The following KDM4A variants were observed in gnomAD, a reference collection of about 807,000 sequenced individuals.
KDM4A encodes the protein lysine-specific demethylase 4A.
A neutral mutation model predicts 127.1 loss-of-function variants in KDM4A; 23 were observed. That is an observed-to-expected ratio of 0.18 (90% CI 0.13 to 0.26). The LOEUF (loss-of-function observed/expected upper bound fraction) is 0.26. KDM4A is among the 10% of genes least tolerant of loss of function. The pLI is 1.00. For synonymous variants in KDM4A, 443 were observed against 466.5 expected (o/e 0.95, Z 0.65); for missense variants, 890 against 1,329.1 (o/e 0.67, Z 5.14).
In KDM4A at chr1:43,704,129, T is replaced by TC; in HGVS notation, c.3054+23dup. ...TCTAGACTGGTGAGTATTTTCTGTG[T>TC]CCCCCCAGTTCCTGTCTTGGAGGGA... is the stretch of plus-strand genomic sequence containing the variant. On this transcript the variant is annotated intron_variant, in intron 21 of 21. Coordinates refer to ENST00000372396, the MANE Select transcript of KDM4A (RefSeq NM_014663.3). 1.9e-6 allele frequency: 3 copies of TC among 1,612,664 alleles called. No individual in the cohort carries two copies. Among genetic ancestry groups the TC allele is most frequent in the Non-Finnish European group, 1.7e-6 (2 of 1,178,752 alleles).
Position 43,688,997 on chromosome 1 carries a change from C to T in KDM4A, c.1939C>T (p.Arg647Ter), listed in dbSNP as rs1661048831. The stretch of plus-strand genomic sequence containing the variant: ...GCCTCTGAGCCAACTGTGGCAGAAC[C>T]GACCTCCAAACTTTGAGGCTGAGAA... ...AKPLSQLWQN[R>*]PPNFEAEKEF... Residue 647 changes from arginine to a stop codon, truncating the protein, a stop_gained, in exon 13 of 22, where the codon CGA becomes TGA. Transcript: ENST00000372396. LOFTEE classifies it high-confidence loss of function. The surrounding 1 kb of genome is among the most constrained non-coding windows in gnomAD (Gnocchi z 4.4). The T allele has an allele frequency of 1.2e-6, 2 of 1,614,080 alleles. No homozygotes were observed. Among genetic ancestry groups the T allele is most frequent in the Non-Finnish European group, 1.7e-6 (2 of 1,180,036 alleles).
chr1:43,687,100 A>G (rs1383956683), intron 12 of KDM4A, among the ~76,000 whole-genome samples: 2 of 152,176 alleles, frequency 1.3e-5, no homozygotes, highest in Non-Finnish European at 1.5e-5. Flanking sequence ...CAGGATAAAG[A>G]AAAAAATCTG....
chr1:43,667,225 G>A, intron 8 of KDM4A, 134 bp downstream of exon 8: 3 of 952,972 alleles, frequency 3.1e-6, no homozygotes, highest in Non-Finnish European at 4.8e-6. Context: ...ATGTGTCAGA[G>A]TACTAACATT....
intron 7 of KDM4A, 112 bp downstream of exon 7, chr1:43,666,667 C>G (rs1660507729): frequency 5.8e-6 from 5 of 862,448 alleles, no homozygotes; most frequent in Non-Finnish European, 9.2e-6. Context: ...CTTAAATAAA[C>G]TATGTAACAA....
chr1:43,688,019 GT>G lies in KDM4A; in HGVS notation c.1856-883del, dbSNP rs1033894212. On this transcript the variant is annotated intron_variant, in intron 12 of 21. Transcript: ENST00000372396. The surrounding 1 kb of genome is among the most constrained non-coding windows in gnomAD (Gnocchi z 4.4). ...TTCATTGGTCTCTGTGGTTGTCACT[GT>G]TTTTTTTTTTTAAGCCCCAATGCTG... Among the ~76,000 whole-genome samples the G allele has an allele frequency of 6.0e-4, 87 of 144,378 alleles. No individual in the cohort carries two copies. Among genetic ancestry groups the G allele is most frequent in the Admixed American group, 6.9e-4 (10 of 14,392 alleles). The allele number at this position is 144,378 out of a possible 152,430, so 94.7% of individuals were successfully genotyped here. A position where few individuals can be genotyped will look rare whatever the true frequency, so the allele number is the denominator to read the frequency against.
intron 4 of KDM4A, 47 bp from the exon 5 acceptor site, chr1:43,662,847 G>C: frequency 6.5e-7 from 1 of 1,529,348 alleles, no homozygotes; most frequent in Non-Finnish European, 8.9e-7. Flanking sequence ...CAGAGCCTCG[G>C]TTTCTATGCA....
At position 43,694,744 on chromosome 1, in the gene KDM4A, T is replaced by C; in HGVS notation, c.2520T>C (p.Thr840=). The C allele has an allele frequency of 6.2e-7, 1 of 1,613,168 alleles. No individual in the cohort carries two copies. Among genetic ancestry groups the C allele is most frequent in the Non-Finnish European group, 8.5e-7 (1 of 1,179,158 alleles). The change falls in exon 18 of 22, where the codon ACT becomes ACC. Residue 840 remains threonine (T), a synonymous_variant. Transcript: ENST00000372396. The surrounding 1 kb of genome is among the most constrained non-coding windows in gnomAD (Gnocchi z 5.2). ...CIFCKKRRKR[T]AGCCVQCSHG... is the part of the protein sequence containing the mutation. ...TCTGTAAGAAGCGGAGGAAAAGAAC[T>C]GCTGGCTGCTGTGTGCAGTGTTCTC...
intron 1 of KDM4A, among the ~76,000 whole-genome samples, chr1:43,651,216 G>T (rs536457522): frequency 1.2e-4 from 18 of 152,300 alleles, no homozygotes; most frequent in African/African-American, 4.3e-4. Flanking sequence ...CTTTTTAAGA[G>T]GGTCTTCAAA....
Position 43,669,119 on chromosome 1 carries a change from G to A in KDM4A, c.1183G>A (p.Gly395Arg). ...LKTSLAKHRI[G>R]TKRHRVCLEI... ...TTGCAGCCTGGCCAAGCACCGAATA[G>A]GGACAAAGAGGCACCGAGTTTGTCT... is the stretch of plus-strand genomic sequence containing the variant. The change falls in exon 10 of 22, where the codon GGG becomes AGG. Residue 395 changes from glycine (G) to arginine (R), a missense_variant. Physicochemically the swap from Gly to Arg is moderately radical, Grantham distance 125. Around this residue, in one of 7 missense-constraint regions of KDM4A, gnomAD observed 389 missense variants for 485.9 expected, o/e 0.80. Transcript: ENST00000372396. 6.2e-7 allele frequency: 1 copy of A among 1,614,212 alleles called. No homozygotes were observed. Among genetic ancestry groups the A allele is most frequent in the Non-Finnish European group, 8.5e-7 (1 of 1,180,034 alleles).
chr1:43,704,488 T>G lies in KDM4A; in HGVS notation c.*118T>G. On this transcript the variant is annotated 3_prime_UTR_variant, in exon 22 of 22. Transcript: ENST00000372396. ...AGTGAAGTTGTAAAAAGAAAAGGAA[T>G]GAAATAACCGACCCATCATCTTCTC... 2 of 1,112,560 alleles carry G rather than the reference T, an allele frequency of 1.8e-6. No homozygotes were observed. The highest frequency in any genetic ancestry group is 3.0e-5 in the South Asian group (2 of 65,608). The allele number at this position is 1,112,560 out of a possible 1,614,324, so 68.9% of individuals were successfully genotyped here.
In KDM4A at chr1:43,671,588, G is replaced by A. The variant is rs767686593; in HGVS notation, c.1447G>A (p.Ala483Thr). The A allele has an allele frequency of 1.1e-5, 17 of 1,610,422 alleles. No individual in the cohort carries two copies. The highest frequency in any genetic ancestry group is 1.4e-5 in the Non-Finnish European group (16 of 1,178,604). The change falls in exon 11 of 22, where the codon GCA (alanine) becomes ACA (threonine). Residue 483 changes from alanine (A) to threonine (T), a missense_variant. Physicochemically the swap from Ala to Thr is moderately conservative, Grantham distance 58 (BLOSUM62 0). Around this residue, in one of 7 missense-constraint regions of KDM4A, gnomAD observed 389 missense variants for 485.9 expected, o/e 0.80. Coordinates refer to ENST00000372396, the MANE Select transcript of KDM4A (RefSeq NM_014663.3). ...EEEDEEEEQA[A>T]AALDLSVNPA... The stretch of plus-strand genomic sequence containing the variant: ...GGAGGATGAGGAGGAAGAACAAGCA[G>A]CAGCTGCCTTGGATCTTTCTGTGAA...
At chr1:43,701,580 A>G (rs971645345) in intron 19 of KDM4A, among the ~76,000 whole-genome samples, 3 of 152,146 alleles carry the variant, frequency 2.0e-5, no homozygotes, top group Non-Finnish European at 4.4e-5. Context: ...CTGCAGCCTC[A>G]TCCTCCCGGC....
Position 43,683,695 on chromosome 1 carries a change from A to G in KDM4A, c.1746A>G (p.Glu582=). 6.2e-7 allele frequency: 1 copy of G among 1,613,526 alleles called. No homozygotes were observed. ...TGTGGTTTGCCCAGGTTGCAGATGA[A>G]TACATGTTTTCCCTAGAAGAGAATA... The part of the protein sequence containing the change: ...SERELAEVAD[E]YMFSLEENKK... Residue 582 remains glutamate, a synonymous_variant, in exon 12 of 22, where the codon GAA becomes GAG. Coordinates refer to ENST00000372396, the MANE Select transcript of KDM4A (RefSeq NM_014663.3).
rs537879857 is a variant in KDM4A at position 43,668,219 on chromosome 1, G to A, written c.1163+200G>A. Among the ~76,000 whole-genome samples the A allele has an allele frequency of 2.9e-3, 441 of 152,142 alleles. 1 individual carries two copies. The highest frequency in any genetic ancestry group is 4.2e-3 in the Non-Finnish European group (283 of 67,994). The stretch of plus-strand genomic sequence containing the variant: ...CGGCTCACTGCAAGCCCCGCCTCCC[G>A]GGTTCAGGCCATTCTTCTGCCTCAG... On this transcript the variant is annotated intron_variant, in intron 9 of 21. Coordinates refer to ENST00000372396, the MANE Select transcript of KDM4A (RefSeq NM_014663.3).
Position 43,704,582 on chromosome 1 carries a change from G to A in KDM4A, c.*212G>A. On this transcript the variant is annotated 3_prime_UTR_variant, in exon 22 of 22. Transcript: ENST00000372396. ...TTCTGGGCACGTGGCAGCAGTCGCT[G>A]ATCTCCCAGCTGAGGGGCTGAGCAC... The A allele has an allele frequency of 1.8e-6, 1 of 559,500 alleles. No individual in the cohort carries two copies. Among genetic ancestry groups the A allele is most frequent in the Non-Finnish European group, 3.1e-6 (1 of 318,988 alleles). The allele number at this position is 559,500 out of a possible 1,614,324, so 34.7% of individuals were successfully genotyped here. A position where few individuals can be genotyped will look rare whatever the true frequency, so the allele number is the denominator to read the frequency against.
At chr1:43,681,308 C>T (rs1361430377) in intron 11 of KDM4A, among the ~76,000 whole-genome samples, 1 of 152,148 alleles carries the variant, frequency 6.6e-6, no homozygotes, top group Non-Finnish European at 1.5e-5. Flanking sequence ...CTCCTTTTCT[C>T]CCTTCTCTTC....
chr1:43,659,465 T>G (rs1333204745), intron 3 of KDM4A, among the ~76,000 whole-genome samples: 2 of 152,106 alleles, frequency 1.3e-5, no homozygotes, highest in East Asian at 1.9e-4. Context: ...ATTACAGGCG[T>G]GTGCCACCAC....
rs940735490 is a variant in KDM4A, at chr1:43,650,189, G to A, written c.-103G>A. 6.6e-6 allele frequency: 1 copy of A among 152,420 alleles called. No individual in the cohort carries two copies. The highest frequency in any genetic ancestry group is 6.5e-5 in the Admixed American group (1 of 15,288). The allele number at this position is 152,420 out of a possible 1,614,324, so 9.4% of individuals were successfully genotyped here. A position where few individuals can be genotyped will look rare whatever the true frequency, so the allele number is the denominator to read the frequency against. On this transcript the variant is annotated 5_prime_UTR_variant, in exon 1 of 22. Transcript: ENST00000372396. ...TCGGCCTTCGCCTGCTGGAAAAGCA[G>A]TAGGATCGGCCAGTGGCGACAGCAG...
At position 43,697,907 on chromosome 1, in the gene KDM4A, G is replaced by C. The variant is rs768314345; in HGVS notation, c.2735G>C (p.Gly912Ala). Residue 912 changes from glycine (G) to alanine (A), a missense_variant, in exon 19 of 22, where the codon GGG becomes GCG. Around this residue, in one of 7 missense-constraint regions of KDM4A, gnomAD observed 246 missense variants for 418.4 expected, o/e 0.59. Transcript: ENST00000372396. Reference protein sequence around the residue: ...GQKVISKHKNGRFYQCEVVRL... With the variant: ...GQKVISKHKNARFYQCEVVRL... The stretch of plus-strand genomic sequence containing the variant: ...AAAGTCATTAGCAAGCATAAGAACG[G>C]GCGCTTCTACCAGTGTGAAGTGGTC... 6.2e-7 allele frequency: 1 copy of C among 1,613,730 alleles called. No individual in the cohort carries two copies. Among genetic ancestry groups the C allele is most frequent in the Non-Finnish European group, 8.5e-7 (1 of 1,179,946 alleles).
Sources: allele counts gnomAD v4.1 joint callset (sites outside exome capture counted in the v4.1 genomes callset), GRCh38; gene constraint gnomAD v4.1.1; regional missense constraint gnomAD v4.1.1; non-coding constraint Gnocchi (gnomAD v3.1); transcripts MANE v1.5; gene names NCBI Gene and HGNC (gene_info 2026-07-23, HGNC 2026-07-21).